Variants in NTRK3 observed in about 807,000 individuals in gnomAD.
NTRK3 encodes the protein NT-3 growth factor receptor.
Under a neutral mutation model 91.7 loss-of-function variants are expected in NTRK3, and 24 were observed. The ratio of observed to expected loss-of-function variants is 0.26; its 90% CI spans 0.19 to 0.37. The LOEUF is 0.37. Ranked by LOEUF, NTRK3 falls within the 10% of genes least tolerant of loss-of-function variation. NTRK3 has a pLI of 1.00. For synonymous variants in NTRK3, 483 were observed against 404.0 expected (o/e 1.20, Z -2.34); for missense variants, 880 against 1,068.9 (o/e 0.82, Z 2.46).
chr15:87,909,990 A>G (rs2066992890), intron 17 of NTRK3, among the ~76,000 whole-genome samples: 1 of 152,188 alleles, frequency 6.6e-6, no homozygotes, highest in African/African-American at 2.4e-5. Context: ...GGCAGCCCGA[A>G]CAAATGAACA....
intron 5 of NTRK3, among the ~76,000 whole-genome samples, chr15:88,171,291 C>A (rs947835046): frequency 7.9e-5 from 12 of 152,156 alleles, no homozygotes; most frequent in Admixed American, 7.9e-4. Context: ...CAGTAATACA[C>A]TGACAAAGCT....
rs2071727299 is a variant in NTRK3, at chr15:87,956,909, C to T, written c.1586-16156G>A. ...GGTGGGGTAGTCATTTAGGGAAACA[C>T]TGTCCAGAAAAGCCCACCTTGTTCT... On this transcript the variant is annotated intron_variant, in intron 14 of 18. Coordinates refer to ENST00000394480, the Ensembl canonical transcript of NTRK3. 2.0e-5 allele frequency among the ~76,000 whole-genome samples: 3 copies of T among 152,142 alleles called. No individual in the cohort carries two copies. In the South Asian group the frequency reaches 6.2e-4, roughly 32 times the overall value.
Position 88,100,696 on chromosome 15 carries a change from T to A in NTRK3, c.1396+25575A>T, listed in dbSNP as rs116159559. On this transcript the variant is annotated intron_variant, in intron 13 of 18. Coordinates refer to ENST00000394480, the Ensembl canonical transcript of NTRK3. ...AGTGAATGCCTGGGGCTCTGTCCCA[T>A]CAAATTATAAACTCCTCCTACCTTA... Among the ~76,000 whole-genome samples, 949 of 152,204 alleles carry A rather than the reference T, an allele frequency of 6.2e-3. 14 individuals are homozygous for A. Among genetic ancestry groups the A allele is most frequent in the African/African-American group, 0.022 (914 of 41,526 alleles).
chr15:87,959,731 ACAC>A (rs1034871196), intron 14 of NTRK3, among the ~76,000 whole-genome samples: 8 of 152,208 alleles, frequency 5.3e-5, no homozygotes, highest in African/African-American at 1.4e-4. Context: ...TAAAGGATTG[ACAC>A]CAACACAAAA....
chr15:88,218,103 C>T (rs994599490), intron 3 of NTRK3, among the ~76,000 whole-genome samples: 1 of 152,080 alleles, frequency 6.6e-6, no homozygotes, highest in African/African-American at 2.4e-5. Flanking sequence ...TCTCTGTTCC[C>T]CCGAGTTGAA....
intron 13 of NTRK3, among the ~76,000 whole-genome samples, chr15:88,094,265 G>C (rs1597273751): frequency 6.6e-6 from 1 of 151,908 alleles, no homozygotes. Context: ...AGGAGATCGA[G>C]ACCATCCTGG....
At chr15:88,137,292 G>A (rs1597521531) in intron 7 of NTRK3, 112 bp downstream of exon 7, 7 of 1,253,428 alleles carry the variant, frequency 5.6e-6, no homozygotes, top group Non-Finnish European at 7.9e-6. Context: ...TCAAGGCTGG[G>A]AGGGCGTTTC....
chr15:88,062,999 C>CCACA (rs1356235267), intron 13 of NTRK3, among the ~76,000 whole-genome samples: 5 of 152,164 alleles, frequency 3.3e-5, no homozygotes, highest in African/African-American at 1.2e-4. Flanking sequence ...TCCCCCTCAC[C>CCACA]CACACACACA....
chr15:88,131,593 G>C, intron 10 of NTRK3, among the ~76,000 whole-genome samples: 1 of 152,232 alleles, frequency 6.6e-6, no homozygotes, highest in Non-Finnish European at 1.5e-5. Flanking sequence ...TTCAGAGCCT[G>C]AGAGAAGAGA....
At chr15:88,128,475 C>T (rs2053513065) in intron 11 of NTRK3, among the ~76,000 whole-genome samples, 1 of 152,206 alleles carries the variant, frequency 6.6e-6, no homozygotes. Context: ...CATCATCAGA[C>T]ATTAGAAAAC....
At chr15:88,079,022 G>T (rs2047808006) in intron 13 of NTRK3, among the ~76,000 whole-genome samples, 1 of 152,220 alleles carries the variant, frequency 6.6e-6, no homozygotes, top group African/African-American at 2.4e-5. Context: ...GCTGGGTAGA[G>T]ATGGGAGTGC....
intron 13 of NTRK3, among the ~76,000 whole-genome samples, chr15:88,123,569 T>C (rs532896421): frequency 7.2e-5 from 11 of 152,288 alleles, no homozygotes; most frequent in South Asian, 6.2e-4. Context: ...GAGTGACCAA[T>C]GGCCTGTGAC....
At chr15:88,102,959 G>A (rs1322979383) in intron 13 of NTRK3, among the ~76,000 whole-genome samples, 3 of 152,154 alleles carry the variant, frequency 2.0e-5, no homozygotes, top group East Asian at 1.9e-4. Flanking sequence ...GTAGTAATAC[G>A]AAAAACAGCC....
In NTRK3 at chr15:88,148,521, G is replaced by A. The variant is rs115642561; in HGVS notation, c.396-1118C>T. Among the ~76,000 whole-genome samples, 279 of 152,272 alleles carry A rather than the reference G, an allele frequency of 1.8e-3. 1 individual carries two copies. The Middle Eastern group carries it at 0.031, about 17-fold the overall frequency. The stretch of plus-strand genomic sequence containing the variant: ...GAAGAAAGAGCTGAGTACCAAGGGA[G>A]GAGTGTTTCAGGCAGTGAAAGTAGC... On this transcript the variant is annotated intron_variant, in intron 5 of 18. Transcript: ENST00000394480.
At chr15:87,860,247 G>T in exon 19 of NTRK3, 1 of 218,260 alleles carries the variant, frequency 4.6e-6, no homozygotes, top group East Asian at 6.7e-5. Flanking sequence ...GAGACTGAAG[G>T]ACATGCACAA....
chr15:88,187,300 C>A (rs1439470028), intron 3 of NTRK3, among the ~76,000 whole-genome samples: 1 of 152,114 alleles, frequency 6.6e-6, no homozygotes, highest in African/African-American at 2.4e-5. Context: ...TGCATAGATG[C>A]CACATCAGAG....
At position 88,161,630 on chromosome 15, in the gene NTRK3, T is replaced by C. The variant is rs559033121; in HGVS notation, c.396-14227A>G. 8.2e-4 allele frequency among the ~76,000 whole-genome samples: 125 copies of C among 152,144 alleles called. 1 individual carries two copies. The highest frequency in any genetic ancestry group is 1.3e-3 in the Non-Finnish European group (91 of 67,986). On this transcript the variant is annotated intron_variant, in intron 5 of 18. Transcript: ENST00000394480. ...AAAAATGGAGACCCATCCACTAGCATGGAGGAGAGCATAGGGAAAGGCATG... is the reference window on the plus strand; with the variant it reads ...AAAAATGGAGACCCATCCACTAGCACGGAGGAGAGCATAGGGAAAGGCATG...
chr15:88,224,125 G>A (rs1354599366), intron 3 of NTRK3, among the ~76,000 whole-genome samples: 6 of 152,202 alleles, frequency 3.9e-5, no homozygotes, highest in Non-Finnish European at 5.9e-5. Flanking sequence ...CAAGAGGCCT[G>A]GGCCTCTCGT....
intron 13 of NTRK3, among the ~76,000 whole-genome samples, chr15:88,123,868 A>G (rs905944407): frequency 6.6e-6 from 1 of 152,242 alleles, no homozygotes; most frequent in African/African-American, 2.4e-5. Context: ...AGCAGGCATC[A>G]GACAGAATAG....
Sources: allele counts gnomAD v4.1 joint callset (sites outside exome capture counted in the v4.1 genomes callset), GRCh38; gene constraint gnomAD v4.1.1; transcripts MANE v1.5; gene names NCBI Gene and HGNC (gene_info 2026-07-23, HGNC 2026-07-21).